DHDDS: variants seen among roughly 807,000 people sequenced by gnomAD.
DHDDS encodes the protein dehydrodolichyl diphosphate synthase complex subunit DHDDS.
In DHDDS, 16 loss-of-function variants were observed where a neutral mutation model predicts 46.2. That is an observed-to-expected ratio of 0.35 (90% CI 0.23 to 0.53). DHDDS has a LOEUF of 0.53. Among genes scored for constraint, DHDDS ranks in the 20% least tolerant of loss-of-function variants. The pLI, the probability that DHDDS is intolerant of heterozygous loss-of-function variation, is 0.94. For missense variants in DHDDS, 340 were observed against 423.7 expected, an observed-to-expected ratio of 0.80 and a Z score of 1.73; for synonymous variants, 151 against 163.1, an observed-to-expected ratio of 0.93 and a Z score of 0.56.
chr1:26,454,128 T>C (rs1251708781), intron 6 of DHDDS, among the ~76,000 whole-genome samples: 4 of 152,102 alleles, frequency 2.6e-5, no homozygotes, highest in African/African-American at 9.7e-5. Context: ...TAATTTTTTG[T>C]ATTTTTAGTA....
chr1:26,446,212 C>A, intron 4 of DHDDS, 104 bp from the exon 5 acceptor site: 1 of 905,576 alleles, frequency 1.1e-6, no homozygotes, highest in Non-Finnish European at 1.8e-6. Flanking sequence ...GTCTGACACA[C>A]AGGAAAGCAC....
intron 6 of DHDDS, among the ~76,000 whole-genome samples, chr1:26,449,400 C>T (rs1464103687): frequency 1.3e-5 from 2 of 151,922 alleles, no homozygotes; most frequent in African/African-American, 4.8e-5. Context: ...CACTCCTGGC[C>T]CATTTTTATT....
rs1305500892 is a variant in DHDDS, at chr1:26,446,335, G to A, written c.343G>A (p.Gly115Arg). The change falls in exon 5 of 9, where the codon GGG (glycine) becomes AGG (arginine). Residue 115 changes from glycine to arginine, a missense_variant. By Grantham distance (125) the Gly-to-Arg change is moderately radical (BLOSUM62 -2). Coordinates refer to ENST00000236342, the MANE Select transcript of DHDDS (RefSeq NM_205861.3). The part of the protein sequence containing the change: ...MEEKEKLQKH[G>R]VCIRVLGDLH... ...GATCAGGGAGAAACTGCAGAAGCAT[G>A]GGGTGTGTATCCGGGTCCTGGGCGA... is the stretch of plus-strand genomic sequence containing the variant. 2 of 1,614,002 alleles carry A rather than the reference G, an allele frequency of 1.2e-6. No individual in the cohort carries two copies. The highest frequency in any genetic ancestry group is 1.7e-6 in the Non-Finnish European group (2 of 1,179,920).
intron 4 of DHDDS, 21 bp downstream of exon 4, chr1:26,442,894 A>T (rs200035355): frequency 6.2e-7 from 1 of 1,613,754 alleles, no homozygotes; most frequent in Non-Finnish European, 8.5e-7. Context: ...ATCAGAGGGG[A>T]GAGCATGTTC....
chr1:26,444,211 A>C (rs2075245192), intron 4 of DHDDS, among the ~76,000 whole-genome samples: 1 of 152,230 alleles, frequency 6.6e-6, no homozygotes, highest in Non-Finnish European at 1.5e-5. Flanking sequence ...TCCTGGCAAA[A>C]GCAAGAAGAA....
intron 2 of DHDDS, among the ~76,000 whole-genome samples, chr1:26,437,310 A>G (rs1306047396): frequency 6.6e-6 from 1 of 152,182 alleles, no homozygotes; most frequent in East Asian, 1.9e-4. Context: ...AGCCCAGCAT[A>G]GTATTTGGCA....
intron 6 of DHDDS, chr1:26,454,866 T>G: frequency 6.3e-7 from 1 of 1,590,650 alleles, no homozygotes; most frequent in South Asian, 1.1e-5. Context: ...GAATCTACAT[T>G]TAAACCCTTA....
intron 8 of DHDDS, 143 bp from the exon 9 acceptor site, chr1:26,468,752 A>G: frequency 8.4e-7 from 1 of 1,186,684 alleles, no homozygotes; most frequent in Non-Finnish European, 1.2e-6. Context: ...ACCTACTCCC[A>G]AGCCTTTTCA....
At chr1:26,435,834 T>G (rs899097193) in intron 2 of DHDDS, among the ~76,000 whole-genome samples, 1 of 152,044 alleles carries the variant, frequency 6.6e-6, no homozygotes, top group African/African-American at 2.4e-5. Context: ...AGCCTGGTCT[T>G]GAATTCCTGA....
chr1:26,440,781 G>C (rs1195396064), intron 3 of DHDDS, among the ~76,000 whole-genome samples: 1 of 152,154 alleles, frequency 6.6e-6, no homozygotes, highest in Non-Finnish European at 1.5e-5. Context: ...TCTTCAGCTT[G>C]TTTCTTCTGT....
intron 6 of DHDDS, among the ~76,000 whole-genome samples, chr1:26,451,794 A>T (rs1223400344): frequency 6.6e-6 from 1 of 151,670 alleles, no homozygotes; most frequent in African/African-American, 2.4e-5. Context: ...CCGCCTGGCT[A>T]ATTTTTTTAT....
At chr1:26,451,904 A>G (rs2075324986) in intron 6 of DHDDS, among the ~76,000 whole-genome samples, 1 of 151,982 alleles carries the variant, frequency 6.6e-6, no homozygotes, top group Non-Finnish European at 1.5e-5. Flanking sequence ...CTGGGATCAC[A>G]CCCGGCTATT....
At chr1:26,445,563 A>G (rs1445163717) in intron 4 of DHDDS, among the ~76,000 whole-genome samples, 1 of 152,012 alleles carries the variant, frequency 6.6e-6, no homozygotes, top group Admixed American at 6.6e-5. Flanking sequence ...AAATACAAAA[A>G]TTAGCCAGGC....
At chr1:26,459,441 G>A (rs150149617) in intron 7 of DHDDS, among the ~76,000 whole-genome samples, 26 of 152,274 alleles carry the variant, frequency 1.7e-4, no homozygotes, top group Middle Eastern at 3.4e-3. Flanking sequence ...CTATGCATAT[G>A]TTATCTCATT....
chr1:26,459,555 T>C (rs2075402725), intron 7 of DHDDS, among the ~76,000 whole-genome samples: 1 of 152,234 alleles, frequency 6.6e-6, no homozygotes, highest in African/African-American at 2.4e-5. Context: ...AAATGGTAAA[T>C]GGTTGGAGCC....
chr1:26,443,007 G>C, intron 4 of DHDDS, 134 bp downstream of exon 4: 1 of 1,446,460 alleles, frequency 6.9e-7, no homozygotes, highest in Non-Finnish European at 9.3e-7. Context: ...ATCTTGGGTG[G>C]CAAATATCAG....
rs1207113422 is a variant in DHDDS at position 26,460,020 on chromosome 1, C to T, written c.658-17C>T. 2 of 1,601,646 alleles carry T rather than the reference C, an allele frequency of 1.2e-6. No homozygotes were observed. Among genetic ancestry groups the T allele is most frequent in the East Asian group, 4.5e-5 (2 of 44,838 alleles). ...CAACATGTTACTAAATCATACTCTC[C>T]TCCCTACCTTTCCCAGACCTCTCAC... On this transcript the variant is annotated splice_polypyrimidine_tract_variant and intron_variant, in intron 7 of 8. Coordinates refer to ENST00000236342, the MANE Select transcript of DHDDS (RefSeq NM_205861.3).
intron 6 of DHDDS, chr1:26,448,040 A>C: frequency 2.1e-6 from 1 of 476,758 alleles, no homozygotes; most frequent in Non-Finnish European, 3.7e-6. Context: ...CAGATGACAA[A>C]GCCATGTTAT....
intron 6 of DHDDS, chr1:26,455,178 A>G: frequency 1.3e-6 from 1 of 760,292 alleles, no homozygotes; most frequent in East Asian, 2.4e-5. Context: ...TTAAGTGAAT[A>G]GTGAACCATT....
Sources: allele counts gnomAD v4.1 joint callset (sites outside exome capture counted in the v4.1 genomes callset), GRCh38; gene constraint gnomAD v4.1.1; transcripts MANE v1.5; gene names NCBI Gene and HGNC (gene_info 2026-07-23, HGNC 2026-07-21).